CDH15: variants seen among roughly 807,000 people sequenced by gnomAD.
CDH15 encodes cadherin-15.
In CDH15, 73 loss-of-function variants were observed where a neutral mutation model predicts 69.4. The observed-to-expected ratio is 1.05, with a 90% CI of 0.87 to 1.28. CDH15 has a LOEUF of 1.28. Among genes scored for constraint, CDH15 ranks in the 50% most tolerant of loss-of-function variants. The probability of loss-of-function intolerance (pLI) is 0.00; values close to 1 mark genes in which losing one functional copy is unlikely to be tolerated. For synonymous variants in CDH15, 624 were observed against 507.7 expected, an observed-to-expected ratio of 1.23 and a Z score of -3.08; for missense variants, 1,343 against 1,133.6, an observed-to-expected ratio of 1.18 and a Z score of -2.65.
At chr16:89,188,316 C>G (rs369615739) in intron 7 of CDH15, 31 bp downstream of exon 7, 18 of 1,598,224 alleles carry the variant, frequency 1.1e-5, no homozygotes, top group Non-Finnish European at 1.4e-5. Context: ...ACACAGATGC[C>G]GGCAGACGCA....
intron 3 of CDH15, among the ~76,000 whole-genome samples, chr16:89,181,562 G>A (rs1458268586): frequency 4.6e-5 from 7 of 152,148 alleles, no homozygotes; most frequent in African/African-American, 1.4e-4. Context: ...AGGATCCCCC[G>A]AGAGGTCGAC....
chr16:89,189,471 G>A (rs1416710374), intron 7 of CDH15, among the ~76,000 whole-genome samples: 1 of 152,256 alleles, frequency 6.6e-6, no homozygotes, highest in Non-Finnish European at 1.5e-5. Flanking sequence ...GACCAGCTGG[G>A]ACCTTGTGTT....
intron 11 of CDH15, 129 bp from the exon 12 acceptor site, chr16:89,193,341 G>GC (rs1915701984): frequency 5.3e-6 from 2 of 376,812 alleles, no homozygotes; most frequent in East Asian, 1.0e-4. Flanking sequence ...CCCAACTGCC[G>GC]CCCCCTCAAC....
In CDH15 at chr16:89,192,227, G is replaced by T. The variant is rs1362082531; in HGVS notation, c.1638G>T (p.Pro546=). ...CAGTGAGCCACGCGCGCCTGCGGCC[G>T]CGACACCAGGTCCCCGAAGGCCTGC... ...QVNVSHARLR[P]RHQVPEGLHR... The change falls in exon 11 of 14, where the codon CCG becomes CCT. Residue 546 remains proline, a synonymous_variant. Transcript: ENST00000289746. 24 of 1,529,288 alleles carry T rather than the reference G, an allele frequency of 1.6e-5. No homozygotes were observed. The highest frequency in any genetic ancestry group is 1.9e-5 in the Non-Finnish European group (22 of 1,144,618). The allele number at this position is 1,529,288 out of a possible 1,614,324, so 94.7% of individuals were successfully genotyped here. A position where few individuals can be genotyped will look rare whatever the true frequency, so the allele number is the denominator to read the frequency against.
chr16:89,177,461 G>A lies in CDH15; in HGVS notation c.43-1955G>A, dbSNP rs577461288. On this transcript the variant is annotated intron_variant, in intron 1 of 13. Transcript: ENST00000289746. The stretch of plus-strand genomic sequence containing the variant: ...TCTGGCAGCTAGGAGAGCGCTGTTG[G>A]GTGGGAGGGGGCCTCCAGGGAGGAG... Among the ~76,000 whole-genome samples, 260 of 152,294 alleles carry A rather than the reference G, an allele frequency of 1.7e-3. 1 individual carries two copies. The highest frequency in any genetic ancestry group is 5.9e-3 in the African/African-American group (246 of 41,578).
intron 1 of CDH15, among the ~76,000 whole-genome samples, chr16:89,175,949 G>C (rs1476604129): frequency 2.6e-5 from 4 of 152,268 alleles, no homozygotes; most frequent in Non-Finnish European, 5.9e-5. Context: ...TGCTGCCGCT[G>C]CCTGTGGGGA....
chr16:89,191,170 G>C (rs542299194), intron 8 of CDH15, among the ~76,000 whole-genome samples, 160 bp from the exon 9 acceptor site: 105 of 152,140 alleles, frequency 6.9e-4, no homozygotes, highest in Non-Finnish European at 1.4e-3. Context: ...GGCATGTAAG[G>C]CTGTGTGTGC....
intron 8 of CDH15, 37 bp downstream of exon 8, chr16:89,190,533 C>G: frequency 1.0e-5 from 16 of 1,564,872 alleles, no homozygotes; most frequent in Non-Finnish European, 1.4e-5. Context: ...GTAGAGGAGG[C>G]TAACGGCCCC....
Position 89,179,509 on chromosome 16 carries a change from G to A in CDH15, c.136G>A (p.Ala46Thr). 1.2e-6 allele frequency: 2 copies of A among 1,613,048 alleles called. No homozygotes were observed. The highest frequency in any genetic ancestry group is 1.7e-6 in the Non-Finnish European group (2 of 1,179,650). Reference protein sequence around the residue: ...RAPALSRVRRAWVIPPISVSE... With the variant: ...RAPALSRVRRTWVIPPISVSE... ...GCCTGCCCTGAGCCGCGTGCGGAGGGCCTGGGTCATCCCCCCGATCAGCGT... is the reference window on the plus strand; with the variant it reads ...GCCTGCCCTGAGCCGCGTGCGGAGGACCTGGGTCATCCCCCCGATCAGCGT... Residue 46 changes from alanine (A) to threonine (T), a missense_variant, in exon 2 of 14, where the codon GCC (alanine) becomes ACC (threonine). By Grantham distance (58) the Ala-to-Thr change is moderately conservative. Coordinates refer to ENST00000289746, the MANE Select transcript of CDH15 (RefSeq NM_004933.3).
intron 4 of CDH15, 102 bp downstream of exon 4, chr16:89,183,794 CT>C (rs1193002994): frequency 3.2e-6 from 4 of 1,260,638 alleles, no homozygotes; most frequent in Non-Finnish European, 4.3e-6. Context: ...CCCTCAGAGT[CT>C]AAAAATAAGT....
chr16:89,190,390 C>T lies in CDH15; in HGVS notation c.1126C>T (p.Gln376Ter). The change falls in exon 8 of 14, where the codon CAG (glutamine) becomes TAG (stop). Residue 376 changes from glutamine (Q) to a stop codon, truncating the protein, a stop_gained. Coordinates refer to ENST00000289746, the MANE Select transcript of CDH15 (RefSeq NM_004933.3). LOFTEE classifies it high-confidence loss of function. ...VQDTNEPPVF[Q>*]ENPLRTSLAE... ...GGACACCAACGAGCCCCCCGTGTTC[C>T]AGGAGAACCCACTTCGGACCAGCCT... 6.2e-7 allele frequency: 1 copy of T among 1,612,810 alleles called. No individual in the cohort carries two copies. Among genetic ancestry groups the T allele is most frequent in the Non-Finnish European group, 8.5e-7 (1 of 1,179,954 alleles).
At position 89,190,798 on chromosome 16, in the gene CDH15, A is replaced by G. The variant is rs560631623; in HGVS notation, c.1232+302A>G. On this transcript the variant is annotated intron_variant, in intron 8 of 13. Coordinates refer to ENST00000289746, the MANE Select transcript of CDH15 (RefSeq NM_004933.3). ...GCCGTTCGCATCTCATTTCACTCCAAGCCTGGCCCTGTGTATCCCTGTCTG... is the reference window on the plus strand; with the variant it reads ...GCCGTTCGCATCTCATTTCACTCCAGGCCTGGCCCTGTGTATCCCTGTCTG... Among the ~76,000 whole-genome samples, 9 of 152,116 alleles carry G rather than the reference A, an allele frequency of 5.9e-5. No individual in the cohort carries two copies. In the East Asian group the frequency reaches 1.7e-3, roughly 29 times the overall value.
intron 8 of CDH15, among the ~76,000 whole-genome samples, chr16:89,191,013 G>A (rs1243243471): frequency 6.6e-6 from 1 of 150,988 alleles, no homozygotes; most frequent in African/African-American, 2.4e-5. Flanking sequence ...GTGCATATGT[G>A]TGTGCACATG....
In CDH15 at chr16:89,191,778, GCCT is replaced by G. The variant is rs760877096; in HGVS notation, c.1506_1508del (p.Leu503del). On this transcript the variant is annotated inframe_deletion, in exon 10 of 14. Coordinates refer to ENST00000289746, the MANE Select transcript of CDH15 (RefSeq NM_004933.3). Reference sequence around the variant, plus strand: ...TGCAGCGAGCCACACCAAGGCCCAGGCCTCCTCCTGGGCGCCACGGATGAGGAC... The same window carrying G: ...TGCAGCGAGCCACACCAAGGCCCAGGCCTCCTGGGCGCCACGGATGAGGAC... 1.2e-6 allele frequency: 2 copies of G among 1,606,296 alleles called. No homozygotes were observed. Among genetic ancestry groups the G allele is most frequent in the South Asian group, 2.2e-5 (2 of 91,040 alleles).
Position 89,180,237 on chromosome 16 carries a change from A to G in CDH15, c.239A>G (p.Tyr80Cys). The part of the protein sequence containing the change: ...SDKQQLGSVI[Y>C]SIQGPGVDEE... The stretch of plus-strand genomic sequence containing the variant: ...AAGCAGCAGCTGGGCAGCGTCATCT[A>G]CAGCATCCAGGGACCCGGCGTGGAT... The change falls in exon 3 of 14, where the codon TAC (tyrosine) becomes TGC (cysteine). Residue 80 changes from tyrosine (Y) to cysteine (C), a missense_variant. By Grantham distance (194) the Tyr-to-Cys change is radical. Coordinates refer to ENST00000289746, the MANE Select transcript of CDH15 (RefSeq NM_004933.3). The G allele has an allele frequency of 6.2e-7, 1 of 1,610,702 alleles. No homozygotes were observed. The highest frequency in any genetic ancestry group is 8.5e-7 in the Non-Finnish European group (1 of 1,178,846).
chr16:89,172,509 C>A (rs1434960574), intron 1 of CDH15, among the ~76,000 whole-genome samples: 2 of 152,142 alleles, frequency 1.3e-5, no homozygotes, highest in East Asian at 1.9e-4. Context: ...TGGGACCCTG[C>A]CGCAGCTGCC....
At chr16:89,194,171 A>G (rs1162070081) in intron 13 of CDH15, among the ~76,000 whole-genome samples, 1 of 152,210 alleles carries the variant, frequency 6.6e-6, no homozygotes. Context: ...AGACCCATCC[A>G]CTGCCCCGTG....
Position 89,179,491 on chromosome 16 carries a change from C to G in CDH15, c.118C>G (p.Leu40Val), listed in dbSNP as rs2151598970. ...TLYPWRRAPA[L>V]SRVRRAWVIP... ...GTACCCCTGGCGCCGGGCGCCTGCC[C>G]TGAGCCGCGTGCGGAGGGCCTGGGT... The change falls in exon 2 of 14, where the codon CTG becomes GTG. Residue 40 changes from leucine (L) to valine (V), a missense_variant. Leu to Val is a conservative substitution (Grantham distance 32, BLOSUM62 1). Transcript: ENST00000289746. 3 of 1,613,496 alleles carry G rather than the reference C, an allele frequency of 1.9e-6. No individual in the cohort carries two copies. The highest frequency in any genetic ancestry group is 2.5e-6 in the Non-Finnish European group (3 of 1,179,900).
chr16:89,178,572 C>T (rs1289119102), intron 1 of CDH15, among the ~76,000 whole-genome samples: 1 of 151,734 alleles, frequency 6.6e-6, no homozygotes, highest in Non-Finnish European at 1.5e-5. Flanking sequence ...CCAGCCCCAC[C>T]GAGGCAGCCC....
Sources: allele counts gnomAD v4.1 joint callset (sites outside exome capture counted in the v4.1 genomes callset), GRCh38; gene constraint gnomAD v4.1.1; transcripts MANE v1.5; gene names NCBI Gene and HGNC (gene_info 2026-07-23, HGNC 2026-07-21).